The following USP34 variants were observed in gnomAD, a reference collection of about 807,000 sequenced individuals.
USP34 encodes ubiquitin specific peptidase 34, also known as ubiquitin carboxyl-terminal hydrolase 34.
USP34 carries 70 observed loss-of-function variants against 460.3 expected under a neutral mutation model. The observed-to-expected ratio is 0.15, with a 90% confidence interval of 0.13 to 0.19. USP34 has a LOEUF of 0.19. Ranked by LOEUF, USP34 falls within the 10% of genes least tolerant of loss-of-function variation. The probability of loss-of-function intolerance (pLI) is 1.00; values close to 1 mark genes in which losing one functional copy is unlikely to be tolerated. For synonymous variants in USP34, 1,647 were observed against 1,405.3 expected (o/e 1.17, Z -3.85); for missense variants, 3,985 against 4,236.2 (o/e 0.94, Z 1.65).
intron 43 of USP34, among the ~76,000 whole-genome samples, chr2:61,263,362 G>A (rs1199900609): frequency 1.3e-5 from 2 of 151,174 alleles, no homozygotes; most frequent in Non-Finnish European, 2.9e-5. Flanking sequence ...ATATTTTTTA[G>A]AGGAGACATG....
At chr2:61,227,524 G>C (rs1433810379) in intron 61 of USP34, among the ~76,000 whole-genome samples, 1 of 151,878 alleles carries the variant, frequency 6.6e-6, no homozygotes, top group Non-Finnish European at 1.5e-5. Flanking sequence ...CAGCCTGGCC[G>C]ACATGGTGAA....
intron 10 of USP34, among the ~76,000 whole-genome samples, chr2:61,352,981 A>C (rs1046165662): frequency 1.3e-5 from 2 of 152,234 alleles, no homozygotes; most frequent in African/African-American, 4.8e-5. Flanking sequence ...AAGTATCCTG[A>C]AACTCTAGAG....
intron 69 of USP34, 71 bp downstream of exon 69, chr2:61,211,701 C>A: frequency 5.0e-6 from 7 of 1,410,564 alleles, no homozygotes; most frequent in Non-Finnish European, 6.5e-6. Flanking sequence ...AATGATTTAT[C>A]TTTAAACATC....
chr2:61,213,812 T>G (rs12615783), intron 68 of USP34, among the ~76,000 whole-genome samples: 5 of 151,982 alleles, frequency 3.3e-5, no homozygotes, highest in Admixed American at 2.0e-4. Context: ...AAACCACAAA[T>G]TAAAAAACAG....
At chr2:61,359,056 T>C (rs1369803992) in intron 10 of USP34, among the ~76,000 whole-genome samples, 1 of 152,180 alleles carries the variant, frequency 6.6e-6, no homozygotes, top group Non-Finnish European at 1.5e-5. Flanking sequence ...ACAGAGTCAA[T>C]GCAATATCTA....
intron 1 of USP34, among the ~76,000 whole-genome samples, chr2:61,466,500 GT>G (rs2104118694): frequency 6.6e-6 from 1 of 152,276 alleles, no homozygotes; most frequent in East Asian, 1.9e-4. Flanking sequence ...AATGCTAAAT[GT>G]TTGAGATGGA....
intron 75 of USP34, among the ~76,000 whole-genome samples, chr2:61,200,973 G>A (rs1425078835): frequency 4.6e-5 from 7 of 151,938 alleles, no homozygotes; most frequent in African/African-American, 1.7e-4. Flanking sequence ...CTAAGACAAT[G>A]TCCAATTTTC....
At chr2:61,270,895 T>A (rs755680154) in intron 41 of USP34, among the ~76,000 whole-genome samples, 4 of 152,226 alleles carry the variant, frequency 2.6e-5, no homozygotes, top group Non-Finnish European at 5.9e-5. Flanking sequence ...ATTTTCTGCA[T>A]GAAACCATTG....
chr2:61,447,584 T>C (rs965365863), intron 1 of USP34, among the ~76,000 whole-genome samples: 1 of 152,200 alleles, frequency 6.6e-6, no homozygotes, highest in Non-Finnish European at 1.5e-5. Flanking sequence ...CACTTGTCCA[T>C]TTTCTCAAAT....
At chr2:61,286,485 G>A (rs1012770655) in intron 34 of USP34, among the ~76,000 whole-genome samples, 59 of 152,134 alleles carry the variant, frequency 3.9e-4, no homozygotes, top group African/African-American at 1.3e-3. Context: ...GCAAAACCCC[G>A]TCTCTATGAA....
chr2:61,388,035 G>A (rs1019956519), intron 5 of USP34, among the ~76,000 whole-genome samples: 4 of 151,806 alleles, frequency 2.6e-5, no homozygotes, highest in African/African-American at 9.7e-5. Flanking sequence ...GGAAGGCCAA[G>A]GATGGAGGAT....
chr2:61,366,808 G>A (rs1018944265), intron 10 of USP34, among the ~76,000 whole-genome samples: 2 of 152,182 alleles, frequency 1.3e-5, no homozygotes, highest in African/African-American at 4.8e-5. Context: ...TGCACTTTGG[G>A]AGTGCAACGC....
At chr2:61,221,676 T>C (rs966226771) in intron 65 of USP34, 70 bp from the exon 66 acceptor site, 7 of 1,370,494 alleles carry the variant, frequency 5.1e-6, no homozygotes, top group Non-Finnish European at 7.1e-6. Context: ...AGAAGAAACA[T>C]ATATTCTACT....
Position 61,288,828 on chromosome 2 carries a change from G to A in USP34, c.4598C>T (p.Ala1533Val), listed in dbSNP as rs1425988939. 2.5e-6 allele frequency: 4 copies of A among 1,613,478 alleles called. No individual in the cohort carries two copies. Among genetic ancestry groups the A allele is most frequent in the South Asian group, 2.2e-5 (2 of 91,082 alleles). Reference protein sequence around the residue: ...ACLLKLICQFAVDPSDLDLAY... With the variant: ...ACLLKLICQFVVDPSDLDLAY... Reference sequence around the variant, plus strand: ...TAAATCCAAATCGGATGGATCTACTGCAAACTGGCATATTAACTTCAGCAA... The same window carrying A: ...TAAATCCAAATCGGATGGATCTACTACAAACTGGCATATTAACTTCAGCAA... Residue 1533 changes from alanine (A) to valine (V), a missense_variant, in exon 34 of 80, where the codon GCA becomes GTA. Physicochemically the swap from Ala to Val is moderately conservative, Grantham distance 64. This residue lies in a region of USP34 where 1,114 missense variants were observed against 1,122.5 expected (regional missense o/e 0.99). Transcript: ENST00000398571.
intron 10 of USP34, among the ~76,000 whole-genome samples, chr2:61,360,354 T>C (rs1047028874): frequency 6.6e-6 from 1 of 152,154 alleles, no homozygotes; most frequent in Non-Finnish European, 1.5e-5. Context: ...GTAAAGCTGC[T>C]GGATCCAAGT....
intron 5 of USP34, among the ~76,000 whole-genome samples, chr2:61,391,956 CA>C (rs1327787306): frequency 6.6e-6 from 1 of 152,074 alleles, no homozygotes; most frequent in East Asian, 1.9e-4. Flanking sequence ...TTACGGTGTT[CA>C]AAAAATATAT....
chr2:61,308,852 G>C (rs1028518356), intron 27 of USP34, among the ~76,000 whole-genome samples: 1 of 152,032 alleles, frequency 6.6e-6, no homozygotes, highest in Non-Finnish European at 1.5e-5. Context: ...ATGAGCCTAG[G>C]CAACATGGTG....
rs1030735352 is a variant in USP34 at position 61,194,962 on chromosome 2, A to G, written c.9509-1982T>C. Among the ~76,000 whole-genome samples the G allele has an allele frequency of 1.4e-3, 210 of 152,150 alleles. 2 individuals are homozygous for G. The East Asian group carries it at 0.037, about 27-fold the overall frequency. On this transcript the variant is annotated intron_variant, in intron 75 of 79. Transcript: ENST00000398571. Reference sequence around the variant, plus strand: ...GAGTGAAACTCTGTCAAAAAAAAAAAAAAAAAAAGTTTTGGGCCAGGTATG... The same window carrying G: ...GAGTGAAACTCTGTCAAAAAAAAAAGAAAAAAAAGTTTTGGGCCAGGTATG...
chr2:61,263,232 G>T (rs540345287), intron 43 of USP34, among the ~76,000 whole-genome samples: 6 of 139,556 alleles, frequency 4.3e-5, no homozygotes, highest in African/African-American at 1.6e-4. Flanking sequence ...CAAAGTTTGA[G>T]TGTAATGGCT....
Sources: gnomAD v4.1 joint callset for allele counts (sites outside exome capture counted in the v4.1 genomes callset) on GRCh38, gnomAD v4.1.1 for gene constraint, gnomAD v4.1.1 regional missense constraint, MANE v1.5 for transcripts, NCBI Gene and HGNC (gene_info 2026-07-23, HGNC 2026-07-21) for gene names.